Variants in CADM2 observed in about 807,000 individuals in gnomAD.
The protein encoded by CADM2 is immunoglobulin superfamily member 4D.
CADM2 carries 12 observed loss-of-function variants against 49.8 expected under a neutral mutation model. The ratio of observed to expected loss-of-function variants is 0.24; its 90% CI spans 0.15 to 0.39. CADM2 has a LOEUF of 0.39. Among genes scored for constraint, CADM2 ranks in the 10% least tolerant of loss-of-function variants. CADM2 has a pLI of 1.00. For missense variants in CADM2, 378 were observed against 492.3 expected (o/e 0.77, Z 2.20); for synonymous variants, 214 against 175.4 (o/e 1.22, Z -1.74).
At chr3:85,188,141 G>A (rs955777729) in intron 1 of CADM2, among the ~76,000 whole-genome samples, 4 of 151,742 alleles carry the variant, frequency 2.6e-5, no homozygotes, top group African/African-American at 9.7e-5. Flanking sequence ...ATTTTCATTG[G>A]ATATGATTTA....
chr3:85,161,617 T>C (rs1295590741), intron 1 of CADM2, among the ~76,000 whole-genome samples: 3 of 152,120 alleles, frequency 2.0e-5, no homozygotes, highest in Non-Finnish European at 4.4e-5. Flanking sequence ...GGGAATGGGA[T>C]GTATTTATCT....
intron 1 of CADM2, among the ~76,000 whole-genome samples, chr3:85,016,603 G>A (rs1207405077): frequency 6.6e-6 from 1 of 152,050 alleles, no homozygotes; most frequent in Non-Finnish European, 1.5e-5. Context: ...GGCCAGCCTG[G>A]CCAACACAGC....
At chr3:85,588,774 G>A (rs1332130489) in intron 1 of CADM2, among the ~76,000 whole-genome samples, 1 of 151,940 alleles carries the variant, frequency 6.6e-6, no homozygotes, top group African/African-American at 2.4e-5. Flanking sequence ...CAGCATCAGG[G>A]CAGACACTCT....
intron 3 of CADM2, among the ~76,000 whole-genome samples, chr3:85,830,842 TAA>T: frequency 7.0e-6 from 1 of 142,828 alleles, no homozygotes. Context: ...TATTTATTTA[TAA>T]ACTTCTATTA....
intron 2 of CADM2, among the ~76,000 whole-genome samples, chr3:85,782,069 T>A (rs924404092): frequency 7.2e-5 from 11 of 152,236 alleles, no homozygotes; most frequent in African/African-American, 2.7e-4. Context: ...CAGCAGCCAC[T>A]TAGTGTAGCT....
intron 8 of CADM2, among the ~76,000 whole-genome samples, chr3:86,062,699 T>C (rs1015058951): frequency 6.6e-6 from 1 of 151,996 alleles, no homozygotes; most frequent in Admixed American, 6.6e-5. Context: ...GCTGAGGCAG[T>C]AGAATCGCTT....
intron 1 of CADM2, among the ~76,000 whole-genome samples, chr3:85,719,829 A>G (rs2067434281): frequency 3.9e-5 from 6 of 152,164 alleles, no homozygotes; most frequent in Non-Finnish European, 1.5e-5. Flanking sequence ...ACAGTTTTTT[A>G]CTATCAAAAA....
chr3:85,612,938 A>C (rs897814156), intron 1 of CADM2, among the ~76,000 whole-genome samples: 4 of 151,766 alleles, frequency 2.6e-5, no homozygotes, highest in African/African-American at 9.7e-5. Context: ...GTGACCACTC[A>C]TCCTGTTGAT....
At chr3:85,861,314 A>T (rs1198204576) in intron 3 of CADM2, among the ~76,000 whole-genome samples, 1 of 152,154 alleles carries the variant, frequency 6.6e-6, no homozygotes, top group East Asian at 1.9e-4. Flanking sequence ...GTAATTCCTG[A>T]TATGTAACTG....
intron 5 of CADM2, among the ~76,000 whole-genome samples, chr3:85,899,642 C>T (rs1024889207): frequency 6.6e-6 from 1 of 152,004 alleles, no homozygotes; most frequent in African/African-American, 2.4e-5. Flanking sequence ...TTAGTCCTTT[C>T]AGAGGTTTTT....
chr3:85,808,153 C>G (rs952566011), intron 3 of CADM2, among the ~76,000 whole-genome samples: 5 of 152,056 alleles, frequency 3.3e-5, no homozygotes, highest in African/African-American at 4.8e-5. Flanking sequence ...TCTGTACAGC[C>G]TAAGTATGAA....
At chr3:85,599,678 A>T in intron 1 of CADM2, among the ~76,000 whole-genome samples, 1 of 100,246 alleles carries the variant, frequency 1.0e-5, no homozygotes, top group East Asian at 1.5e-3. Context: ...GCTTTGAAAA[A>T]AATTAAAAAT....
At chr3:85,507,500 C>G (rs917387755) in intron 1 of CADM2, among the ~76,000 whole-genome samples, 2 of 151,842 alleles carry the variant, frequency 1.3e-5, no homozygotes, top group African/African-American at 4.8e-5. Flanking sequence ...TTTTAAACGA[C>G]AACAAAAAAA....
chr3:85,129,132 A>C (rs62250630), intron 1 of CADM2, among the ~76,000 whole-genome samples: 2 of 152,144 alleles, frequency 1.3e-5, no homozygotes, highest in Non-Finnish European at 2.9e-5. Flanking sequence ...CCAGTTCACC[A>C]CATCAATGCT....
intron 1 of CADM2, among the ~76,000 whole-genome samples, chr3:84,968,684 A>G (rs1375995434): frequency 2.6e-5 from 4 of 152,058 alleles, no homozygotes; most frequent in Admixed American, 2.0e-4. Context: ...GAAAATGTGT[A>G]TCCCCTACCC....
At chr3:85,473,468 A>G (rs1242769483) in intron 1 of CADM2, among the ~76,000 whole-genome samples, 1 of 152,182 alleles carries the variant, frequency 6.6e-6, no homozygotes, top group East Asian at 1.9e-4. Flanking sequence ...CATAGTGATT[A>G]GGAAATCACA....
At position 85,701,060 on chromosome 3, in the gene CADM2, A is replaced by G. The variant is rs184238884; in HGVS notation, c.62-25462A>G. 2.4e-3 allele frequency among the ~76,000 whole-genome samples: 372 copies of G among 152,326 alleles called. 1 individual carries two copies. Among genetic ancestry groups the G allele is most frequent in the African/African-American group, 8.5e-3 (352 of 41,580 alleles). On this transcript the variant is annotated intron_variant, in intron 1 of 9. Coordinates refer to ENST00000383699, the MANE Select transcript of CADM2 (RefSeq NM_001167675.2). The stretch of plus-strand genomic sequence containing the variant: ...ATTGTCCCATGGTTCTGCAGGGTAT[A>G]CAGGAAGTGGCTTCTACTTCAATGG...
chr3:85,577,121 AT>A (rs951166333), intron 1 of CADM2, among the ~76,000 whole-genome samples: 5 of 152,030 alleles, frequency 3.3e-5, no homozygotes, highest in Admixed American at 1.3e-4. Flanking sequence ...TTGATTCTCT[AT>A]TTTTTTTCTT....
intron 1 of CADM2, among the ~76,000 whole-genome samples, chr3:85,685,053 C>T (rs2066161534): frequency 6.6e-6 from 1 of 152,132 alleles, no homozygotes; most frequent in Non-Finnish European, 1.5e-5. Flanking sequence ...GAGATAGAGA[C>T]CATCCTGGCT....
Sources: gnomAD v4.1 joint callset for allele counts (sites outside exome capture counted in the v4.1 genomes callset) on GRCh38, gnomAD v4.1.1 for gene constraint, MANE v1.5 for transcripts, NCBI Gene and HGNC (gene_info 2026-07-23, HGNC 2026-07-21) for gene names.